CSMD1: variants seen among roughly 807,000 people sequenced by gnomAD.
CSMD1 encodes the protein CUB and sushi domain-containing protein 1.
A neutral mutation model predicts 417.5 loss-of-function variants in CSMD1; 213 were observed. The ratio of observed to expected loss-of-function variants is 0.51; its 90% CI spans 0.46 to 0.57. The LOEUF (loss-of-function observed/expected upper bound fraction) is 0.57, where lower values mean the gene tolerates loss of function less well. CSMD1 is among the 20% of genes least tolerant of loss of function. The probability of loss-of-function intolerance (pLI) is 0.00; values close to 1 mark genes in which losing one functional copy is unlikely to be tolerated. For synonymous variants in CSMD1, 2,862 were observed against 1,736.8 expected, an observed-to-expected ratio of 1.65 and a Z score of -16.11; for missense variants, 6,923 against 4,529.7, an observed-to-expected ratio of 1.53 and a Z score of -15.17.
At chr8:3,058,152 C>T (rs1206863410) in intron 49 of CSMD1, among the ~76,000 whole-genome samples, 2 of 152,088 alleles carry the variant, frequency 1.3e-5, no homozygotes, top group South Asian at 2.1e-4. Context: ...ATTGGTAGTG[C>T]TATTGTGTGC....
At chr8:3,686,371 A>T (rs1456940891) in intron 7 of CSMD1, among the ~76,000 whole-genome samples, 1 of 152,128 alleles carries the variant, frequency 6.6e-6, no homozygotes, top group Non-Finnish European at 1.5e-5. Context: ...TAGGATAGGG[A>T]GGTGCCGCCA....
chr8:3,605,243 G>A (rs1029622422), intron 8 of CSMD1, among the ~76,000 whole-genome samples: 1 of 152,124 alleles, frequency 6.6e-6, no homozygotes, highest in Non-Finnish European at 1.5e-5. Flanking sequence ...ACCCGCCTCG[G>A]CCTCCCACAG....
At chr8:3,267,927 A>C (rs932603699) in intron 26 of CSMD1, among the ~76,000 whole-genome samples, 8 of 152,140 alleles carry the variant, frequency 5.3e-5, no homozygotes, top group African/African-American at 1.9e-4. Context: ...AGCAGAGGGC[A>C]GAGCCTCAGA....
intron 5 of CSMD1, among the ~76,000 whole-genome samples, chr8:3,828,955 A>G (rs1802212115): frequency 6.6e-6 from 1 of 151,982 alleles, no homozygotes; most frequent in African/African-American, 2.4e-5. Flanking sequence ...TGTTTCTTAC[A>G]TATGGCAACA....
At chr8:4,743,964 A>T (rs1810789896) in intron 1 of CSMD1, among the ~76,000 whole-genome samples, 1 of 152,200 alleles carries the variant, frequency 6.6e-6, no homozygotes, top group Non-Finnish European at 1.5e-5. Flanking sequence ...TGATTCCATG[A>T]GATGACGGAC....
intron 38 of CSMD1, 147 bp from the exon 39 acceptor site, chr8:3,158,113 A>G: frequency 1.5e-6 from 1 of 675,360 alleles, no homozygotes; most frequent in South Asian, 2.0e-5. Context: ...GTTTTTAGTA[A>G]TGATTATTAG....
Position 4,152,541 on chromosome 8 carries a change from T to A in CSMD1, c.416-120442A>T, listed in dbSNP as rs1271676277. On this transcript the variant is annotated intron_variant, in intron 3 of 69. Transcript: ENST00000635120. The stretch of plus-strand genomic sequence containing the variant: ...GAGAGTACCAAAAAAAAAAAAAAAA[T>A]TAGCTAGTCATGGTGGTGCACACTT... Among the ~76,000 whole-genome samples, 126 of 122,078 alleles carry A rather than the reference T, an allele frequency of 1.0e-3. 2 individuals carry two copies. Among genetic ancestry groups the A allele is most frequent in the Middle Eastern group, 4.2e-3 (1 of 236 alleles). 80.1% of individuals were successfully genotyped at this position (122,078 alleles called of 152,430 possible). A position where few individuals can be genotyped will look rare whatever the true frequency, so the allele number is the denominator to read the frequency against.
chr8:4,097,335 G>C (rs1474955547), intron 3 of CSMD1, among the ~76,000 whole-genome samples: 1 of 152,172 alleles, frequency 6.6e-6, no homozygotes, highest in Admixed American at 6.5e-5. Flanking sequence ...TGCCTCAGTT[G>C]ACACCTTTAT....
chr8:4,679,138 T>C (rs1046246770), intron 1 of CSMD1, among the ~76,000 whole-genome samples: 46 of 152,246 alleles, frequency 3.0e-4, no homozygotes, highest in African/African-American at 1.1e-3. Context: ...TACTTTCCCT[T>C]CTTGATATGG....
chr8:4,443,379 C>G (rs964962422), intron 2 of CSMD1, among the ~76,000 whole-genome samples: 11 of 152,126 alleles, frequency 7.2e-5, no homozygotes, highest in Non-Finnish European at 1.0e-4. Context: ...GCTTTGATAA[C>G]AAAGGCAACA....
At chr8:4,929,917 A>T (rs1031108155) in intron 1 of CSMD1, among the ~76,000 whole-genome samples, 2 of 152,218 alleles carry the variant, frequency 1.3e-5, no homozygotes, top group Admixed American at 6.5e-5. Flanking sequence ...TAGTAAAAGT[A>T]TATTGCAAGA....
chr8:4,117,463 G>T (rs73173874), intron 3 of CSMD1, among the ~76,000 whole-genome samples: 5 of 152,054 alleles, frequency 3.3e-5, no homozygotes, highest in African/African-American at 1.2e-4. Flanking sequence ...GGTTATGATC[G>T]TCTTAATAAA....
At chr8:4,004,629 A>G (rs1465309444) in intron 4 of CSMD1, among the ~76,000 whole-genome samples, 1 of 152,104 alleles carries the variant, frequency 6.6e-6, no homozygotes, top group East Asian at 1.9e-4. Context: ...TCTACAATAT[A>G]TTTTAGATTT....
chr8:3,438,098 T>C (rs886490195), intron 12 of CSMD1, among the ~76,000 whole-genome samples: 3 of 152,238 alleles, frequency 2.0e-5, no homozygotes, highest in African/African-American at 7.2e-5. Context: ...GACTTAGCTA[T>C]TAAAATTATT....
intron 40 of CSMD1, among the ~76,000 whole-genome samples, chr8:3,147,465 C>G (rs1818912534): frequency 6.6e-6 from 1 of 152,184 alleles, no homozygotes; most frequent in South Asian, 2.1e-4. Context: ...GAGTCTGACT[C>G]CAGCATCCAA....
chr8:3,678,708 G>T (rs1287883396), intron 7 of CSMD1, among the ~76,000 whole-genome samples: 3 of 152,114 alleles, frequency 2.0e-5, no homozygotes, highest in African/African-American at 7.2e-5. Context: ...TACTCCTCGA[G>T]AAGAGCAACT....
intron 26 of CSMD1, among the ~76,000 whole-genome samples, chr8:3,251,354 G>T (rs1476319293): frequency 6.6e-6 from 1 of 151,872 alleles, no homozygotes; most frequent in Admixed American, 6.6e-5. Context: ...TGTCAGGTTT[G>T]TCAAAGATCA....
At chr8:3,638,045 A>G (rs1196062626) in intron 7 of CSMD1, among the ~76,000 whole-genome samples, 1 of 152,134 alleles carries the variant, frequency 6.6e-6, no homozygotes. Context: ...AGTCTCAGGT[A>G]TGTCCTTATA....
chr8:4,632,499 C>G (rs780322832), intron 2 of CSMD1, among the ~76,000 whole-genome samples: 3 of 151,952 alleles, frequency 2.0e-5, no homozygotes, highest in Non-Finnish European at 4.4e-5. Flanking sequence ...GTGACAAGAG[C>G]AAAACTCCAT....
Sources: gnomAD v4.1 joint callset for allele counts (sites outside exome capture counted in the v4.1 genomes callset) on GRCh38, gnomAD v4.1.1 for gene constraint, MANE v1.5 for transcripts, NCBI Gene and HGNC (gene_info 2026-07-23, HGNC 2026-07-21) for gene names.